The following RALYL variants were observed in gnomAD, a reference collection of about 807,000 sequenced individuals.
RALYL encodes the protein RALY RNA binding protein like.
Under a neutral mutation model 35.1 loss-of-function variants are expected in RALYL, and 29 were observed. The observed-to-expected ratio is 0.83, with a 90% CI of 0.61 to 1.13. The LOEUF is 1.13. RALYL is among the 50% of genes most tolerant of loss of function. The probability of loss-of-function intolerance (pLI) is 0.00; values close to 1 mark genes in which losing one functional copy is unlikely to be tolerated. For synonymous variants in RALYL, 120 were observed against 127.6 expected (o/e 0.94, Z 0.40); for missense variants, 359 against 360.4 (o/e 1.00, Z 0.03).
At chr8:84,817,993 C>T (rs1016445345) in intron 4 of RALYL, among the ~76,000 whole-genome samples, 2 of 152,124 alleles carry the variant, frequency 1.3e-5, no homozygotes, top group African/African-American at 2.4e-5. Context: ...TTCACTGAAT[C>T]GCAGAAATGT....
intron 3 of RALYL, among the ~76,000 whole-genome samples, chr8:84,801,726 G>GTT (rs896257034): frequency 8.5e-5 from 13 of 152,280 alleles, no homozygotes; most frequent in African/African-American, 2.9e-4. Flanking sequence ...GGAATGAAGT[G>GTT]TTTATTGTTT....
chr8:84,761,201 T>G (rs558950831), intron 2 of RALYL, among the ~76,000 whole-genome samples: 1 of 152,102 alleles, frequency 6.6e-6, no homozygotes, highest in East Asian at 1.9e-4. Context: ...AGCAAAGTCA[T>G]TGGAAAAGAG....
chr8:84,256,140 G>A (rs1278762635), intron 1 of RALYL, among the ~76,000 whole-genome samples: 1 of 152,060 alleles, frequency 6.6e-6, no homozygotes, highest in African/African-American at 2.4e-5. Context: ...TATATGTGCT[G>A]GCTTGTTTGC....
intron 1 of RALYL, among the ~76,000 whole-genome samples, chr8:84,287,744 T>G (rs1837940487): frequency 6.6e-6 from 1 of 152,204 alleles, no homozygotes; most frequent in East Asian, 1.9e-4. Flanking sequence ...ATTTTGCTGA[T>G]AATTTGATGA....
intron 2 of RALYL, among the ~76,000 whole-genome samples, chr8:84,736,370 G>A (rs1317432358): frequency 1.3e-5 from 2 of 152,158 alleles, no homozygotes; most frequent in Middle Eastern, 3.4e-3. Flanking sequence ...TAATTTGGGG[G>A]ATGACTGGAA....
intron 1 of RALYL, among the ~76,000 whole-genome samples, chr8:84,320,856 T>A (rs1192604806): frequency 1.3e-5 from 2 of 152,142 alleles, no homozygotes; most frequent in East Asian, 3.9e-4. Context: ...TTTTTTTCTC[T>A]TTCTACAGTG....
intron 2 of RALYL, among the ~76,000 whole-genome samples, chr8:84,692,239 G>T (rs995273105): frequency 1.3e-5 from 2 of 151,826 alleles, no homozygotes; most frequent in African/African-American, 2.4e-5. Context: ...AGCCACTGAA[G>T]ACAGAAATAA....
At chr8:84,793,689 C>T (rs1821306250) in intron 3 of RALYL, among the ~76,000 whole-genome samples, 1 of 152,148 alleles carries the variant, frequency 6.6e-6, no homozygotes, top group Non-Finnish European at 1.5e-5. Flanking sequence ...ATTCAATAAT[C>T]CAGGTAGGTG....
intron 1 of RALYL, among the ~76,000 whole-genome samples, chr8:84,290,529 T>TG (rs1318011508): frequency 3.3e-5 from 5 of 152,052 alleles, no homozygotes; most frequent in African/African-American, 9.7e-5. Flanking sequence ...GTGGGGGTGC[T>TG]TTTTGAGCCA....
intron 2 of RALYL, among the ~76,000 whole-genome samples, chr8:84,735,059 C>A (rs189976642): frequency 9.3e-5 from 14 of 149,808 alleles, no homozygotes. Context: ...CCTGAAAGTT[C>A]AGTCACATTT....
At chr8:84,703,672 T>G (rs1009469539) in intron 2 of RALYL, among the ~76,000 whole-genome samples, 20 of 152,166 alleles carry the variant, frequency 1.3e-4, no homozygotes, top group African/African-American at 4.8e-4. Context: ...ATTTGAGTCA[T>G]TAGTCCATTA....
intron 2 of RALYL, among the ~76,000 whole-genome samples, chr8:84,586,381 A>T (rs918290543): frequency 3.3e-5 from 5 of 152,218 alleles, no homozygotes; most frequent in African/African-American, 1.2e-4. Context: ...TGATTAATTT[A>T]TCCAAAGACA....
chr8:84,642,672 C>T lies in RALYL; in HGVS notation c.256+113095C>T, dbSNP rs115598094. ...GGAGTCTTAAAGAGGATGACAAACT[C>T]GGGCTAAGATGTTGGAAGCTGTTTT... On this transcript the variant is annotated intron_variant, in intron 2 of 8. Transcript: ENST00000521268. Among the ~76,000 whole-genome samples, 565 of 152,070 alleles carry T rather than the reference C, an allele frequency of 3.7e-3. 6 individuals are homozygous for T. The highest frequency in any genetic ancestry group is 0.013 in the African/African-American group (527 of 41,520).
intron 1 of RALYL, among the ~76,000 whole-genome samples, chr8:84,212,004 G>A (rs1819608175): frequency 6.6e-6 from 1 of 152,088 alleles, no homozygotes; most frequent in Admixed American, 6.6e-5. Context: ...TAAGTCCAAG[G>A]TCACAGAACA....
rs1025427002 is a variant in RALYL, at chr8:84,433,005, G to A, written c.-23-96294G>A. Among the ~76,000 whole-genome samples, 10 of 152,160 alleles carry A rather than the reference G, an allele frequency of 6.6e-5. No homozygotes were observed. In the East Asian group the frequency reaches 1.9e-3, roughly 29 times the overall value. On this transcript the variant is annotated intron_variant, in intron 1 of 8. Coordinates refer to ENST00000521268, the MANE Select transcript of RALYL (RefSeq NM_173848.7). ...TACATATATATATGTATATTTAATA[G>A]ATATTTTAAGAAATATTAAGCAAAG...
At chr8:84,337,917 A>T (rs78541757) in intron 1 of RALYL, among the ~76,000 whole-genome samples, 4,467 of 152,158 alleles carry the variant, frequency 0.029, 112 homozygotes, top group Non-Finnish European at 0.035. Context: ...ATTCACTGGG[A>T]GCTTAAAAAA....
chr8:84,636,807 AG>A (rs1825164203), intron 2 of RALYL, among the ~76,000 whole-genome samples: 1 of 151,882 alleles, frequency 6.6e-6, no homozygotes, highest in African/African-American at 2.4e-5. Context: ...AAATGTGAGG[AG>A]GGAAACCATA....
chr8:84,912,156 A>G (rs1346050911), intron 8 of RALYL, among the ~76,000 whole-genome samples: 2 of 151,988 alleles, frequency 1.3e-5, no homozygotes, highest in Non-Finnish European at 2.9e-5. Context: ...GCCCTAAGTC[A>G]CCTCATCATC....
intron 6 of RALYL, among the ~76,000 whole-genome samples, chr8:84,866,532 G>A (rs1946401): frequency 0.4 from 59,966 of 151,812 alleles, 12,256 homozygotes; most frequent in East Asian, 0.63. Flanking sequence ...TAGTGCCTCA[G>A]CCATTTATTA....
Sources: gnomAD v4.1 joint callset for allele counts (sites outside exome capture counted in the v4.1 genomes callset) on GRCh38, gnomAD v4.1.1 for gene constraint, MANE v1.5 for transcripts, NCBI Gene and HGNC (gene_info 2026-07-23, HGNC 2026-07-21) for gene names.